The following P2RY11 variants were observed in gnomAD, a reference collection of about 807,000 sequenced individuals.
P2RY11 encodes P2Y purinoceptor 11.
In P2RY11, 3 loss-of-function variants were observed where a neutral mutation model predicts 2.4. The ratio of observed to expected loss-of-function variants is 1.22; its 90% CI spans 0.56 to 3.17. The LOEUF is 3.17. Among genes scored for constraint, P2RY11 ranks in the 30% most tolerant of loss-of-function variants. The pLI, the probability that P2RY11 is intolerant of heterozygous loss-of-function variation, is 0.03. For synonymous variants in P2RY11, 307 were observed against 237.3 expected, an observed-to-expected ratio of 1.29 and a Z score of -2.70; for missense variants, 670 against 528.2, an observed-to-expected ratio of 1.27 and a Z score of -2.63.
rs774061799 is a variant in P2RY11, at chr19:10,114,747, A to G, written c.*9A>G. The stretch of plus-strand genomic sequence containing the variant: ...GTGAGCTGAGCCAATGATGTGGCCT[A>G]GCGGAAGCTGCCTCCTCACCCTAGG... On this transcript the variant is annotated 3_prime_UTR_variant, in exon 2 of 2. Coordinates refer to ENST00000321826, the MANE Select transcript of P2RY11 (RefSeq NM_002566.5). 1 of 1,590,018 alleles carries G rather than the reference A, an allele frequency of 6.3e-7. No individual in the cohort carries two copies. The highest frequency in any genetic ancestry group is 1.1e-5 in the South Asian group (1 of 88,790).
chr19:10,113,507 C>G (rs929235012), intron 1 of P2RY11, 126 bp from the exon 2 acceptor site: 2 of 1,351,932 alleles, frequency 1.5e-6, no homozygotes, highest in Non-Finnish European at 1.0e-6. Context: ...GGAGCCCGGT[C>G]CCCCTCCAGG....
chr19:10,115,203 TGGG>T lies in P2RY11; in HGVS notation c.*468_*470del, dbSNP rs1599324152. ...GACCCCAGACACCCAAGTGGCATCTTGGGGGTGGGTGGGCAGAGGACGGGGTAA... is the reference window on the plus strand; with the variant it reads ...GACCCCAGACACCCAAGTGGCATCTTGGTGGGTGGGCAGAGGACGGGGTAA... On this transcript the variant is annotated 3_prime_UTR_variant, in exon 2 of 2. Coordinates refer to ENST00000321826, the MANE Select transcript of P2RY11 (RefSeq NM_002566.5). 3.2e-6 allele frequency: 5 copies of T among 1,565,680 alleles called. No homozygotes were observed. The highest frequency in any genetic ancestry group is 2.7e-5 in the African/African-American group (2 of 73,566).
rs1404563423 is a variant in P2RY11 at position 10,114,149 on chromosome 19, A to G, written c.536A>G (p.Asn179Ser). Residue 179 changes from asparagine (N) to serine (S), a missense_variant, in exon 2 of 2, where the codon AAC becomes AGC. Transcript: ENST00000321826. ...HLKRPQQGAG[N>S]CSVARPEACI... ...AAGAGGCCGCAGCAGGGGGCGGGCA[A>G]CTGCAGCGTGGCCAGGCCCGAGGCC... 3 of 1,601,192 alleles carry G rather than the reference A, an allele frequency of 1.9e-6. No individual in the cohort carries two copies. The highest frequency in any genetic ancestry group is 1.1e-5 in the South Asian group (1 of 91,072).
At position 10,115,264 on chromosome 19, in the gene P2RY11, C is replaced by T; in HGVS notation, c.*526C>T. 1 of 1,242,406 alleles carries T rather than the reference C, an allele frequency of 8.0e-7. No individual in the cohort carries two copies. Among genetic ancestry groups the T allele is most frequent in the East Asian group, 2.5e-5 (1 of 40,332 alleles). 77.0% of individuals were successfully genotyped at this position (1,242,406 alleles called of 1,614,324 possible). A position where few individuals can be genotyped will look rare whatever the true frequency, so the allele number is the denominator to read the frequency against. ...ACGAAGCGGGCACGGAGCCAGATGG[C>T]CAGTCTCCAGGCCTGGTCCACGGAC... On this transcript the variant is annotated 3_prime_UTR_variant, in exon 2 of 2. Transcript: ENST00000321826.
rs1438928057 is a variant in P2RY11 at position 10,113,764 on chromosome 19, T to C, written c.151T>C (p.Tyr51His). ...VAVASNGLAL[Y>H]RFSIRKQRPW... ...CGTGGCCAGCAATGGCCTGGCCCTG[T>C]ACCGCTTCAGCATCCGGAAGCAGCG... The change falls in exon 2 of 2, where the codon TAC becomes CAC. Residue 51 changes from tyrosine (Y) to histidine (H), a missense_variant. Coordinates refer to ENST00000321826, the MANE Select transcript of P2RY11 (RefSeq NM_002566.5). 6 of 1,613,952 alleles carry C rather than the reference T, an allele frequency of 3.7e-6. No individual in the cohort carries two copies. The highest frequency in any genetic ancestry group is 3.4e-6 in the Non-Finnish European group (4 of 1,179,990).
At position 10,113,968 on chromosome 19, in the gene P2RY11, TTCA is replaced by T. The variant is rs748637809; in HGVS notation, c.359_361del (p.Ile120del). On this transcript the variant is annotated inframe_deletion, in exon 2 of 2. Coordinates refer to ENST00000321826, the MANE Select transcript of P2RY11 (RefSeq NM_002566.5). ...CTGCAACCTGCTGGGCAGCGTCATC[TTCA>T]TCACCTGCATCAGCCTCAACCGCTA... 3.7e-6 allele frequency: 6 copies of T among 1,601,698 alleles called. No homozygotes were observed. Among genetic ancestry groups the T allele is most frequent in the African/African-American group, 1.3e-5 (1 of 74,890 alleles).
intron 1 of P2RY11, 80 bp downstream of exon 1, chr19:10,111,820 C>T: frequency 1.2e-5 from 18 of 1,543,128 alleles, no homozygotes; most frequent in Non-Finnish European, 1.5e-5. Context: ...GGTAAAACAC[C>T]TAGGTCTGGG....
Position 10,115,354 on chromosome 19 carries a change from G to T in P2RY11, c.*616G>T. ...CCGGTTTTGGAAAAAAACAATAAAG[G>T]ACTGTCCCCTCAAAACCAGCCGGGG... On this transcript the variant is annotated 3_prime_UTR_variant, in exon 2 of 2. Coordinates refer to ENST00000321826, the MANE Select transcript of P2RY11 (RefSeq NM_002566.5). 2 of 1,220,710 alleles carry T rather than the reference G, an allele frequency of 1.6e-6. No individual in the cohort carries two copies. The highest frequency in any genetic ancestry group is 1.1e-6 in the Non-Finnish European group (1 of 877,278). 75.6% of individuals were successfully genotyped at this position (1,220,710 alleles called of 1,614,324 possible).
Position 10,113,975 on chromosome 19 carries a change from C to T in P2RY11, c.362C>T (p.Thr121Ile), listed in dbSNP as rs775301830. ...CTGCTGGGCAGCGTCATCTTCATCA[C>T]CTGCATCAGCCTCAACCGCTACCTG... The part of the protein sequence containing the change: ...CNLLGSVIFI[T>I]CISLNRYLGI... Residue 121 changes from threonine to isoleucine, a missense_variant, in exon 2 of 2, where the codon ACC (threonine) becomes ATC (isoleucine). Physicochemically the swap from Thr to Ile is moderately conservative, Grantham distance 89 (BLOSUM62 -1). Coordinates refer to ENST00000321826, the MANE Select transcript of P2RY11 (RefSeq NM_002566.5). The T allele has an allele frequency of 1.2e-6, 2 of 1,601,708 alleles. No homozygotes were observed. The highest frequency in any genetic ancestry group is 1.7e-6 in the Non-Finnish European group (2 of 1,179,854).
chr19:10,114,779 T>C lies in P2RY11; in HGVS notation c.*41T>C. On this transcript the variant is annotated 3_prime_UTR_variant, in exon 2 of 2. Coordinates refer to ENST00000321826, the MANE Select transcript of P2RY11 (RefSeq NM_002566.5). ...GCTGCCTCCTCACCCTAGGTGTTGC[T>C]GGAGAACCCTGAGGGCAGGGCCCGA... 1 of 1,556,988 alleles carries C rather than the reference T, an allele frequency of 6.4e-7. No individual in the cohort carries two copies. The highest frequency in any genetic ancestry group is 8.7e-7 in the Non-Finnish European group (1 of 1,150,244).
chr19:10,111,809 T>TA, intron 1 of P2RY11, 69 bp downstream of exon 1: 2 of 1,573,654 alleles, frequency 1.3e-6, no homozygotes, highest in Non-Finnish European at 1.7e-6. Flanking sequence ...TAGTGGGTAT[T>TA]GGTAAAACAC....
At chr19:10,113,521 G>C in intron 1 of P2RY11, 112 bp from the exon 2 acceptor site, 1 of 1,470,594 alleles carries the variant, frequency 6.8e-7, no homozygotes, top group Non-Finnish European at 9.1e-7. Flanking sequence ...CTCCAGGGAG[G>C]GGAAAGAACT....
At position 10,111,719 on chromosome 19, in the gene P2RY11, A is replaced by G. The variant is rs368409115; in HGVS notation, c.-3A>G. On this transcript the variant is annotated 5_prime_UTR_variant, in exon 1 of 2. Transcript: ENST00000321826. ...GACACAGGCTGAGGATCGGCACGGG[A>G]GCATGGCAGCCAACGTCTCGGGTAA... 4.8e-5 allele frequency: 78 copies of G among 1,613,368 alleles called. No homozygotes were observed. In the African/African-American group the frequency reaches 9.1e-4, roughly 19 times the overall value.
In P2RY11 at chr19:10,114,262, C is replaced by T. The variant is rs2089191392; in HGVS notation, c.649C>T (p.Pro217Ser). The T allele has an allele frequency of 1.3e-6, 2 of 1,598,410 alleles. No individual in the cohort carries two copies. Among genetic ancestry groups the T allele is most frequent in the East Asian group, 2.2e-5 (1 of 44,856 alleles). Residue 217 changes from proline (P) to serine (S), a missense_variant, in exon 2 of 2, where the codon CCG (proline) becomes TCG (serine). By Grantham distance (74) the Pro-to-Ser change is moderately conservative. Coordinates refer to ENST00000321826, the MANE Select transcript of P2RY11 (RefSeq NM_002566.5). ...GCTGGCGGGGTTGGGCTGCGGCCTG[C>T]CGCTGCTGCTCACGCTGGCAGCCTA... ...LVLAGLGCGL[P>S]LLLTLAAYGA...
chr19:10,115,281 TCCACGGACTGGC>T lies in P2RY11; in HGVS notation c.*544_*555del. ...CCAGATGGCCAGTCTCCAGGCCTGG[TCCACGGACTGGC>T]AGGGACCCCAGGCACAAGAGCTGCC... On this transcript the variant is annotated 3_prime_UTR_variant, in exon 2 of 2. Transcript: ENST00000321826. The T allele has an allele frequency of 1.7e-6, 2 of 1,166,870 alleles. No individual in the cohort carries two copies. The highest frequency in any genetic ancestry group is 2.4e-6 in the Non-Finnish European group (2 of 834,798). 72.3% of individuals were successfully genotyped at this position (1,166,870 alleles called of 1,614,324 possible).
At position 10,115,046 on chromosome 19, in the gene P2RY11, A is replaced by G; in HGVS notation, c.*308A>G. ...AGTGGAGCTGCTTTATTGCCCTTGG[A>G]GCCCGCGCTCTCGGAGGCTGTCTTC... On this transcript the variant is annotated 3_prime_UTR_variant, in exon 2 of 2. Transcript: ENST00000321826. The G allele has an allele frequency of 2.5e-6, 4 of 1,605,848 alleles. No individual in the cohort carries two copies. Among genetic ancestry groups the G allele is most frequent in the Non-Finnish European group, 2.6e-6 (3 of 1,175,026 alleles).
chr19:10,115,188 AC>A lies in P2RY11; in HGVS notation c.*453del, dbSNP rs2089219441. On this transcript the variant is annotated 3_prime_UTR_variant, in exon 2 of 2. Coordinates refer to ENST00000321826, the MANE Select transcript of P2RY11 (RefSeq NM_002566.5). ...CTGGGGGCACCCCAAGACCCCAGAC[AC>A]CCAAGTGGCATCTTGGGGGTGGGTG... The A allele has an allele frequency of 1.3e-6, 2 of 1,598,900 alleles. No homozygotes were observed. Among genetic ancestry groups the A allele is most frequent in the Non-Finnish European group, 8.5e-7 (1 of 1,171,158 alleles).
Position 10,113,680 on chromosome 19 carries a change from CT to C in P2RY11, c.68del (p.Leu23ProfsTer58). 6.3e-7 allele frequency: 1 copy of C among 1,597,436 alleles called. No homozygotes were observed. Among genetic ancestry groups the C allele is most frequent in the Non-Finnish European group, 8.5e-7 (1 of 1,170,400 alleles). Reference protein sequence around the residue: ...ANFLAAADDKLSGFQGDFLWP... With the variant: ...ANFLAAADDKXSGFQGDFLWP... ...CTTCTTGGCAGCTGCCGACGACAAA[CT>C]CAGTGGGTTCCAGGGGGACTTCCTG... On this transcript the variant is annotated frameshift_variant, in exon 2 of 2. Transcript: ENST00000321826. LOFTEE classifies it low-confidence loss of function (END_TRUNC).
Position 10,114,731 on chromosome 19 carries a change from G to A in P2RY11, c.1118G>A (p.Ser373Asn), listed in dbSNP as rs1487825141. 5.6e-6 allele frequency: 9 copies of A among 1,603,028 alleles called. No homozygotes were observed. The Admixed American group carries it at 1.0e-4, about 18-fold the overall frequency. ...TCAGAGCCCCAGTCCCGTGAGCTGA[G>A]CCAATGATGTGGCCTAGCGGAAGCT... Reference protein sequence around the residue: ...KPSEPQSRELSQ With the variant: ...KPSEPQSRELNQ The change falls in exon 2 of 2, where the codon AGC becomes AAC. Residue 373 changes from serine to asparagine, a missense_variant. Transcript: ENST00000321826.
Sources: gnomAD v4.1 joint callset for allele counts on GRCh38, gnomAD v4.1.1 for gene constraint, MANE v1.5 for transcripts, NCBI Gene and HGNC (gene_info 2026-07-23, HGNC 2026-07-21) for gene names.